The following EPM2A variants were observed in gnomAD, a reference collection of about 807,000 sequenced individuals.
EPM2A encodes EPM2A glucan phosphatase, laforin.
In EPM2A, 21 loss-of-function variants were observed where a neutral mutation model predicts 26.5. The observed-to-expected ratio is 0.79, with a 90% CI of 0.56 to 1.14. The LOEUF is 1.14. Among genes scored for constraint, EPM2A ranks in the 50% most tolerant of loss-of-function variants. The pLI is 0.00. For missense variants in EPM2A, 458 were observed against 440.8 expected (o/e 1.04, Z -0.35); for synonymous variants, 217 against 177.6 (o/e 1.22, Z -1.76).
chr6:145,548,473 G>C (rs978279969), intron 2 of EPM2A, among the ~76,000 whole-genome samples: 1 of 152,130 alleles, frequency 6.6e-6, no homozygotes, highest in African/African-American at 2.4e-5. Flanking sequence ...ACTCGGGCAT[G>C]ACAAGGTCCT....
At chr6:145,716,001 C>A (rs1159511976) in intron 1 of EPM2A, among the ~76,000 whole-genome samples, 1 of 152,156 alleles carries the variant, frequency 6.6e-6, no homozygotes, top group African/African-American at 2.4e-5. Flanking sequence ...AAATTATCTA[C>A]CACAAAACTG....
At chr6:145,564,342 CAAAAT>C (rs757446600) in intron 2 of EPM2A, among the ~76,000 whole-genome samples, 6 of 151,956 alleles carry the variant, frequency 3.9e-5, no homozygotes, top group Non-Finnish European at 8.8e-5. Flanking sequence ...AAATTGCAGA[CAAAAT>C]AAAATTAACA....
At chr6:145,601,563 T>G (rs1781417045) in intron 2 of EPM2A, among the ~76,000 whole-genome samples, 1 of 152,224 alleles carries the variant, frequency 6.6e-6, no homozygotes, top group African/African-American at 2.4e-5. Context: ...TGTATGTGCA[T>G]TTCCCAACTA....
At chr6:145,558,468 T>C (rs1780760685) in intron 2 of EPM2A, among the ~76,000 whole-genome samples, 1 of 152,106 alleles carries the variant, frequency 6.6e-6, no homozygotes, top group South Asian at 2.1e-4. Context: ...TTAGATTATA[T>C]GGTAGTTCTA....
chr6:145,396,087 G>T lies in EPM2A; in HGVS notation c.556-11990C>A, dbSNP rs910052263. 3.3e-5 allele frequency among the ~76,000 whole-genome samples: 5 copies of T among 152,166 alleles called. No individual in the cohort carries two copies. In the East Asian group the frequency reaches 7.7e-4, roughly 24 times the overall value. On this transcript the variant is annotated intron_variant, in intron 4 of 4. Transcript: ENST00000638717. ...TTCTGAAGAGCCTGTTAAGAACGAA[G>T]ACTTTGTTCTGGTCCTCTTGGATAC...
At chr6:145,491,251 C>A (rs1282622891) in intron 4 of EPM2A, 2 of 370,120 alleles carry the variant, frequency 5.4e-6, no homozygotes, top group Non-Finnish European at 5.2e-6. Flanking sequence ...GGCTAGCCGG[C>A]CACTTCGGCA....
chr6:145,683,937 A>G (rs1361058565), intron 2 of EPM2A, among the ~76,000 whole-genome samples: 3 of 152,194 alleles, frequency 2.0e-5, no homozygotes, highest in Non-Finnish European at 4.4e-5. Flanking sequence ...CTAAAACAAT[A>G]ATAACACAAA....
chr6:145,418,823 A>G (rs1778742785), intron 4 of EPM2A, among the ~76,000 whole-genome samples: 1 of 152,216 alleles, frequency 6.6e-6, no homozygotes, highest in African/African-American at 2.4e-5. Flanking sequence ...GTGAGTGCCC[A>G]GAGCTGCTCT....
At position 145,625,858 on chromosome 6, in the gene EPM2A, A is replaced by G. The variant is rs1209530581; in HGVS notation, c.*1558T>C. The stretch of plus-strand genomic sequence containing the variant: ...AAATAAGAGTCTCTTGCATCTATCA[A>G]TATGTGTTTGTGGAAGAAAGGAAGG... On this transcript the variant is annotated 3_prime_UTR_variant, in exon 4 of 4. Coordinates refer to ENST00000367519, the MANE Select transcript of EPM2A (RefSeq NM_005670.4). 2.0e-6 allele frequency: 3 copies of G among 1,516,786 alleles called. No homozygotes were observed. The African/African-American group carries it at 4.2e-5, about 21-fold the overall frequency. The allele number at this position is 1,516,786 out of a possible 1,614,324, so 94.0% of individuals were successfully genotyped here.
At chr6:145,597,470 T>A (rs1012704929) in intron 2 of EPM2A, among the ~76,000 whole-genome samples, 78 of 145,664 alleles carry the variant, frequency 5.4e-4, no homozygotes, top group East Asian at 1.0e-3. Context: ...CCTGTTTATT[T>A]TTTTTTCTTT....
chr6:145,576,050 G>A (rs1026254040), intron 2 of EPM2A, among the ~76,000 whole-genome samples: 3 of 152,076 alleles, frequency 2.0e-5, no homozygotes, highest in Non-Finnish European at 4.4e-5. Flanking sequence ...TGGCCAGGCT[G>A]GTCTCAAACT....
chr6:145,416,166 G>C (rs1778705205), intron 4 of EPM2A, among the ~76,000 whole-genome samples: 1 of 151,604 alleles, frequency 6.6e-6, no homozygotes, highest in African/African-American at 2.4e-5. Flanking sequence ...TCCTAAATGA[G>C]TTGTTACTTT....
chr6:145,587,250 C>T (rs1002118227), intron 2 of EPM2A, among the ~76,000 whole-genome samples: 41 of 152,150 alleles, frequency 2.7e-4, no homozygotes, highest in Admixed American at 1.6e-3. Context: ...GTCATCCTAA[C>T]ATGTTGTGTT....
In EPM2A at chr6:145,556,997, T is replaced by A. The variant is rs904441413; in HGVS notation, c.341-54422A>T. 3.9e-5 allele frequency among the ~76,000 whole-genome samples: 6 copies of A among 152,230 alleles called. No individual in the cohort carries two copies. In the Middle Eastern group the frequency reaches 0.014, roughly 345 times the overall value. On this transcript the variant is annotated intron_variant, in intron 2 of 3. Transcript: ENST00000450221. Reference sequence around the variant, plus strand: ...CAATTCATGTTAGACATGGGTTCCATTCTATCTGCAGTGAAATGATGCATT... The same window carrying A: ...CAATTCATGTTAGACATGGGTTCCAATCTATCTGCAGTGAAATGATGCATT...
Position 145,729,216 on chromosome 6 carries a change from T to G in EPM2A, c.301+5982A>C, listed in dbSNP as rs527279482. On this transcript the variant is annotated intron_variant, in intron 1 of 3. Transcript: ENST00000367519. ...TCAGTGAGAACCTCTACTAAGGCAG[T>G]GCACAGGGGAAATGTTGAGTTGGAG... is the stretch of plus-strand genomic sequence containing the variant. Among the ~76,000 whole-genome samples the G allele has an allele frequency of 3.9e-5, 6 of 152,280 alleles. No homozygotes were observed. In the East Asian group the frequency reaches 1.2e-3, roughly 29 times the overall value.
chr6:145,385,821 C>CT (rs971525631), intron 4 of EPM2A, among the ~76,000 whole-genome samples: 13 of 151,234 alleles, frequency 8.6e-5, no homozygotes, highest in South Asian at 4.2e-4. Context: ...CTTTTTTCTA[C>CT]TTTTTTTTTG....
chr6:145,613,826 C>A (rs1196751730), intron 2 of EPM2A, among the ~76,000 whole-genome samples: 1 of 152,142 alleles, frequency 6.6e-6, no homozygotes, highest in African/African-American at 2.4e-5. Context: ...ATTTATAGAG[C>A]ACAGGCAGAT....
chr6:145,735,640 C>G (rs1562536011), upstream of EPM2A: 1 of 1,082,962 alleles, frequency 9.2e-7, no homozygotes, highest in African/African-American at 1.7e-5. Flanking sequence ...TCTGCGCCTT[C>G]TTTGGGATGC....
chr6:145,514,231 G>A lies in EPM2A; in HGVS notation c.341-11656C>T, dbSNP rs1042709588. ...CACTAGAGGCAGTTATCTTGCAAGGGAGTGTTGGTATTTCTTGAGAACTGC... is the reference window on the plus strand; with the variant it reads ...CACTAGAGGCAGTTATCTTGCAAGGAAGTGTTGGTATTTCTTGAGAACTGC... On this transcript the variant is annotated intron_variant, in intron 2 of 3. Transcript: ENST00000450221. Among the ~76,000 whole-genome samples the A allele has an allele frequency of 2.6e-5, 4 of 152,152 alleles. No individual in the cohort carries two copies. The East Asian group carries it at 7.7e-4, about 29-fold the overall frequency.
Sources: allele counts gnomAD v4.1 joint callset (sites outside exome capture counted in the v4.1 genomes callset), GRCh38; gene constraint gnomAD v4.1.1; transcripts MANE v1.5; gene names NCBI Gene and HGNC (gene_info 2026-07-23, HGNC 2026-07-21).